PDZD2: variants seen among roughly 807,000 people sequenced by gnomAD.
PDZD2 encodes PDZ domain containing 2, also known as PDZ domain-containing protein 2.
A neutral mutation model predicts 220.7 loss-of-function variants in PDZD2; 90 were observed. That is an observed-to-expected ratio of 0.41 (90% CI 0.34 to 0.49). The LOEUF is 0.49. PDZD2 is among the 20% of genes least tolerant of loss of function. PDZD2 has a pLI of 0.28. For synonymous variants in PDZD2, 1,375 were observed against 1,450.5 expected, an observed-to-expected ratio of 0.95 and a Z score of 1.18; for missense variants, 3,174 against 3,608.5, an observed-to-expected ratio of 0.88 and a Z score of 3.08.
intron 6 of PDZD2, among the ~76,000 whole-genome samples, chr5:32,015,960 C>T (rs753384921): frequency 1.3e-5 from 2 of 152,344 alleles, no homozygotes; most frequent in East Asian, 1.9e-4. Flanking sequence ...ATCCGGCTTC[C>T]GTTGCCATCA....
At chr5:31,694,801 T>A (rs112443390) in intron 1 of PDZD2, among the ~76,000 whole-genome samples, 2,238 of 144,350 alleles carry the variant, frequency 0.016, 63 homozygotes, top group African/African-American at 0.06. Context: ...TTATTTATTT[T>A]TTTTTTGTGA....
chr5:31,795,387 G>T (rs928547769), intron 1 of PDZD2, among the ~76,000 whole-genome samples: 1 of 152,160 alleles, frequency 6.6e-6, no homozygotes, highest in Non-Finnish European at 1.5e-5. Context: ...TATTTTGAAT[G>T]CTAAGGCTAG....
At chr5:32,082,010 G>T (rs551699422) in intron 19 of PDZD2, among the ~76,000 whole-genome samples, 3 of 148,060 alleles carry the variant, frequency 2.0e-5, no homozygotes, top group Non-Finnish European at 4.5e-5. Flanking sequence ...GAGCCACCGC[G>T]CCTGGCATAT....
At chr5:31,783,856 C>T (rs1051511492) in intron 1 of PDZD2, among the ~76,000 whole-genome samples, 5 of 152,144 alleles carry the variant, frequency 3.3e-5, no homozygotes, top group Non-Finnish European at 5.9e-5. Context: ...TTCCAATTTC[C>T]TGGAGAAAGG....
At chr5:31,887,932 C>T (rs1427175491) in intron 2 of PDZD2, among the ~76,000 whole-genome samples, 5 of 151,928 alleles carry the variant, frequency 3.3e-5, no homozygotes, top group Non-Finnish European at 7.4e-5. Context: ...TGGCGAGAGT[C>T]GGGGAGGGAG....
intron 10 of PDZD2, among the ~76,000 whole-genome samples, chr5:32,057,054 A>C (rs983439632): frequency 4.6e-5 from 7 of 152,106 alleles, no homozygotes; most frequent in African/African-American, 1.7e-4. Context: ...AGGTCACGCC[A>C]CCGCACTCTA....
At chr5:31,686,784 T>G (rs1561383553) in intron 1 of PDZD2, among the ~76,000 whole-genome samples, 1 of 152,260 alleles carries the variant, frequency 6.6e-6, no homozygotes, top group Non-Finnish European at 1.5e-5. Flanking sequence ...TCCATTATAT[T>G]TTTCAAACTT....
intron 1 of PDZD2, among the ~76,000 whole-genome samples, chr5:31,720,547 T>C (rs1340764899): frequency 6.6e-6 from 1 of 152,216 alleles, no homozygotes; most frequent in Non-Finnish European, 1.5e-5. Flanking sequence ...TAGTTTTATG[T>C]GACACGGGAG....
chr5:31,785,771 C>T (rs1753345939), intron 1 of PDZD2, among the ~76,000 whole-genome samples: 1 of 152,086 alleles, frequency 6.6e-6, no homozygotes, highest in South Asian at 2.1e-4. Flanking sequence ...GCACATGCCC[C>T]TACCACAGCA....
At chr5:31,686,665 C>A (rs2150125830) in intron 1 of PDZD2, among the ~76,000 whole-genome samples, 1 of 152,230 alleles carries the variant, frequency 6.6e-6, no homozygotes, top group South Asian at 2.1e-4. Flanking sequence ...CCGTGCCTGG[C>A]CAATATATAT....
intron 7 of PDZD2, among the ~76,000 whole-genome samples, chr5:32,045,444 C>T (rs531525198): frequency 6.7e-5 from 10 of 148,932 alleles, no homozygotes; most frequent in South Asian, 4.2e-4. Flanking sequence ...TTTCCCAAGA[C>T]GGAATCTTGC....
Position 31,643,557 on chromosome 5 carries a change from C to T in PDZD2, c.-361+4120C>T, listed in dbSNP as rs1580506835. On this transcript the variant is annotated intron_variant, in intron 1 of 24. Transcript: ENST00000438447. ...AAAACAGAGAACTTGCCCCATTAGA[C>T]AACCAGAACTAGAGTCACAAAACAC... Among the ~76,000 whole-genome samples, 8 of 152,286 alleles carry T rather than the reference C, an allele frequency of 5.3e-5. 2 individuals carry two copies. Among genetic ancestry groups the T allele is most frequent in the Admixed American group, 5.2e-4 (8 of 15,294 alleles).
chr5:31,692,321 GC>G (rs1747176943), intron 1 of PDZD2, among the ~76,000 whole-genome samples: 1 of 152,220 alleles, frequency 6.6e-6, no homozygotes, highest in South Asian at 2.1e-4. Flanking sequence ...ACCGGGCGCG[GC>G]CCCGGTTCCC....
At chr5:31,929,234 A>T (rs1300213148) in intron 2 of PDZD2, among the ~76,000 whole-genome samples, 1 of 152,144 alleles carries the variant, frequency 6.6e-6, no homozygotes, top group Non-Finnish European at 1.5e-5. Context: ...TGATTCATTT[A>T]ATTTTCTGCC....
intron 1 of PDZD2, among the ~76,000 whole-genome samples, chr5:31,654,256 C>A (rs1357603941): frequency 6.6e-6 from 1 of 152,148 alleles, no homozygotes; most frequent in Admixed American, 6.5e-5. Context: ...CACAGGTCAT[C>A]CCTCCCTTAT....
intron 2 of PDZD2, among the ~76,000 whole-genome samples, chr5:31,941,915 A>G (rs1026243210): frequency 2.6e-5 from 4 of 152,228 alleles, no homozygotes; most frequent in Non-Finnish European, 5.9e-5. Flanking sequence ...AAATGGGGAT[A>G]GAATCTGCTG....
At chr5:31,651,058 A>G (rs1745331029) in intron 1 of PDZD2, among the ~76,000 whole-genome samples, 2 of 152,130 alleles carry the variant, frequency 1.3e-5, no homozygotes, top group South Asian at 4.2e-4. Context: ...TCACCTATTC[A>G]TCTCTTTCCC....
intron 2 of PDZD2, among the ~76,000 whole-genome samples, chr5:31,930,067 C>T (rs13182419): frequency 0.14 from 21,776 of 152,042 alleles, 1,634 homozygotes; most frequent in South Asian, 0.24. Flanking sequence ...TGCCTTCTGC[C>T]ACGAGTGAAA....
Position 31,858,050 on chromosome 5 carries a change from T to C in PDZD2, c.476+58326T>C, listed in dbSNP as rs2150308450. Among the ~76,000 whole-genome samples, 2 of 152,292 alleles carry C rather than the reference T, an allele frequency of 1.3e-5. 1 individual carries two copies. On this transcript the variant is annotated intron_variant, in intron 2 of 24. Coordinates refer to ENST00000438447, the MANE Select transcript of PDZD2 (RefSeq NM_178140.4). ...TGTGTTGGCTAGGCTGGTCTCGAAC[T>C]CCTGAACTCAGGTGATCTGCCCGTC... is the stretch of plus-strand genomic sequence containing the variant.
Sources: allele counts gnomAD v4.1 joint callset (sites outside exome capture counted in the v4.1 genomes callset), GRCh38; gene constraint gnomAD v4.1.1; transcripts MANE v1.5; gene names NCBI Gene and HGNC (gene_info 2026-07-23, HGNC 2026-07-21).